Variants in CENPP observed in about 807,000 individuals in gnomAD.
CENPP encodes the protein centromere protein P.
CENPP carries 24 observed loss-of-function variants against 35.6 expected under a neutral mutation model. That is an observed-to-expected ratio of 0.67 (90% CI 0.49 to 0.95). CENPP has a LOEUF of 0.95. Ranked by LOEUF, CENPP falls within the 40% of genes least tolerant of loss-of-function variation. The probability of loss-of-function intolerance (pLI) is 0.00; values close to 1 mark genes in which losing one functional copy is unlikely to be tolerated. For synonymous variants in CENPP, 120 were observed against 125.5 expected (o/e 0.96, Z 0.29); for missense variants, 332 against 345.3 (o/e 0.96, Z 0.31).
Position 92,594,892 on chromosome 9 carries a change from C to CTTTTT in CENPP, c.565-16405_565-16401dup, listed in dbSNP as rs1213825480. Among the ~76,000 whole-genome samples, 134 of 105,010 alleles carry CTTTTT rather than the reference C, an allele frequency of 1.3e-3. 1 individual carries two copies. The highest frequency in any genetic ancestry group is 1.5e-3 in the Non-Finnish European group (82 of 52,946). 68.9% of individuals were successfully genotyped at this position (105,010 alleles called of 152,430 possible). On this transcript the variant is annotated intron_variant, in intron 5 of 7. Transcript: ENST00000375587. ...GTCCTGGATGTGAGAGGTTGCTCTT[C>CTTTTT]TTTTTTTTTTTTTTTTTTTTTGAGA... is the stretch of plus-strand genomic sequence containing the variant.
chr9:92,352,505 G>GTGTGTA, intron 4 of CENPP, among the ~76,000 whole-genome samples: 1 of 49,788 alleles, frequency 2.0e-5, no homozygotes, highest in African/African-American at 1.8e-4. Context: ...GTGTGTGTGT[G>GTGTGTA]TATACATATA....
At chr9:92,472,377 A>C (rs1305911787) in intron 5 of CENPP, among the ~76,000 whole-genome samples, 1 of 143,168 alleles carries the variant, frequency 7.0e-6, no homozygotes, top group East Asian at 2.1e-4. Flanking sequence ...ATAAAAAAAT[A>C]GGCTGGGCGC....
At chr9:92,523,136 A>T (rs1365617041) in intron 5 of CENPP, among the ~76,000 whole-genome samples, 1 of 151,718 alleles carries the variant, frequency 6.6e-6, no homozygotes, top group Non-Finnish European at 1.5e-5. Flanking sequence ...GCTGGAGTGC[A>T]GTGGTTCAGT....
chr9:92,456,928 G>A, intron 5 of CENPP: 1 of 1,019,614 alleles, frequency 9.8e-7, no homozygotes, highest in Non-Finnish European at 1.2e-6. Flanking sequence ...ATTTTGCTAA[G>A]TCAAGCATTC....
chr9:92,349,728 T>C (rs559272106), intron 4 of CENPP, among the ~76,000 whole-genome samples: 2 of 152,308 alleles, frequency 1.3e-5, no homozygotes, highest in African/African-American at 4.8e-5. Flanking sequence ...TAGCATATTA[T>C]AGTGTATAAT....
At chr9:92,465,816 TAA>T (rs1191170778) in intron 5 of CENPP, among the ~76,000 whole-genome samples, 1 of 151,908 alleles carries the variant, frequency 6.6e-6, no homozygotes, top group Non-Finnish European at 1.5e-5. Context: ...GAAACCACGC[TAA>T]GTGTTTCAAA....
intron 5 of CENPP, chr9:92,465,098 G>T: frequency 9.6e-7 from 1 of 1,037,922 alleles, no homozygotes; most frequent in Non-Finnish European, 1.5e-6. Flanking sequence ...AGTGCAGAGA[G>T]ACACATCCCA....
At chr9:92,569,298 T>C (rs191778572) in intron 5 of CENPP, among the ~76,000 whole-genome samples, 8 of 152,366 alleles carry the variant, frequency 5.3e-5, no homozygotes, top group Admixed American at 5.2e-4. Flanking sequence ...TTTCTACATA[T>C]AGCTAGCCAG....
intron 5 of CENPP, among the ~76,000 whole-genome samples, chr9:92,546,343 C>G (rs568547261): frequency 8.5e-4 from 130 of 152,220 alleles, no homozygotes; most frequent in Non-Finnish European, 1.4e-3. Flanking sequence ...TCCCCTTCCA[C>G]TGTGTGGAAG....
chr9:92,597,808 A>G (rs959993503), intron 5 of CENPP, among the ~76,000 whole-genome samples: 34 of 152,346 alleles, frequency 2.2e-4, no homozygotes, highest in Middle Eastern at 3.4e-3. Flanking sequence ...AACTACTGCT[A>G]GGACTTACAT....
chr9:92,415,106 G>T, intron 5 of CENPP: 1 of 1,362,424 alleles, frequency 7.3e-7, no homozygotes, highest in Non-Finnish European at 1.0e-6. Context: ...ACTATATTAA[G>T]TATAGGTTTT....
chr9:92,368,816 A>G (rs561517119), intron 4 of CENPP, among the ~76,000 whole-genome samples: 18 of 152,266 alleles, frequency 1.2e-4, no homozygotes, highest in Non-Finnish European at 2.1e-4. Context: ...AGATGGGAGG[A>G]TCGCTTGAGC....
intron 5 of CENPP, among the ~76,000 whole-genome samples, chr9:92,471,605 T>C (rs10992349): frequency 0.37 from 56,005 of 151,886 alleles, 12,617 homozygotes; most frequent in African/African-American, 0.63. Context: ...CTTTAAGTAA[T>C]TAACTTCTCT....
intron 5 of CENPP, among the ~76,000 whole-genome samples, chr9:92,507,532 AG>A (rs1847078779): frequency 6.6e-6 from 1 of 152,218 alleles, no homozygotes; most frequent in African/African-American, 2.4e-5. Flanking sequence ...CGTTTCTTGT[AG>A]GTGAGACTTG....
chr9:92,375,586 G>A (rs372835539), intron 4 of CENPP, among the ~76,000 whole-genome samples: 10 of 151,986 alleles, frequency 6.6e-5, no homozygotes, highest in Non-Finnish European at 1.2e-4. Context: ...GTGAGCCACC[G>A]CGCCCGGCCA....
At chr9:92,506,132 T>G (rs543994068) in intron 5 of CENPP, among the ~76,000 whole-genome samples, 1 of 152,314 alleles carries the variant, frequency 6.6e-6, no homozygotes, top group African/African-American at 2.4e-5. Flanking sequence ...GGCAGCATAA[T>G]AGGCAATGGG....
At chr9:92,467,881 G>A (rs984237744) in intron 5 of CENPP, among the ~76,000 whole-genome samples, 1 of 152,196 alleles carries the variant, frequency 6.6e-6, no homozygotes, top group Non-Finnish European at 1.5e-5. Flanking sequence ...ATCCTCGTTT[G>A]TGAGTGTGTG....
chr9:92,479,855 G>A (rs1401765576), intron 5 of CENPP, among the ~76,000 whole-genome samples: 1 of 152,084 alleles, frequency 6.6e-6, no homozygotes, highest in Non-Finnish European at 1.5e-5. Flanking sequence ...TTGTTAATAA[G>A]TACAATCAAG....
chr9:92,467,415 T>C lies in CENPP; in HGVS notation c.564+87556T>C, dbSNP rs1845356188. Among the ~76,000 whole-genome samples, 3 of 152,186 alleles carry C rather than the reference T, an allele frequency of 2.0e-5. No individual in the cohort carries two copies. In the South Asian group the frequency reaches 6.2e-4, roughly 32 times the overall value. ...TTGGTAACTCTGATAAGGATTTTCATTGCAAAATGAGCATAGCTCAGTTCT... is the reference window on the plus strand; with the variant it reads ...TTGGTAACTCTGATAAGGATTTTCACTGCAAAATGAGCATAGCTCAGTTCT... On this transcript the variant is annotated intron_variant, in intron 5 of 7. Transcript: ENST00000375587.
Sources: allele counts gnomAD v4.1 joint callset (sites outside exome capture counted in the v4.1 genomes callset), GRCh38; gene constraint gnomAD v4.1.1; transcripts MANE v1.5; gene names NCBI Gene and HGNC (gene_info 2026-07-23, HGNC 2026-07-21).